YTHDC2: variants seen among roughly 807,000 people sequenced by gnomAD.
YTHDC2 encodes the protein YTH N6-methyladenosine RNA binding protein C2, also known as 3'-5' RNA helicase YTHDC2.
YTHDC2 carries 45 observed loss-of-function variants against 174.9 expected under a neutral mutation model. The ratio of observed to expected loss-of-function variants is 0.26; its 90% CI spans 0.20 to 0.33. The LOEUF is 0.33. Among genes scored for constraint, YTHDC2 ranks in the 10% least tolerant of loss-of-function variants. The pLI is 1.00. For synonymous variants in YTHDC2, 657 were observed against 574.5 expected (o/e 1.14, Z -2.05); for missense variants, 1,650 against 1,723.7 (o/e 0.96, Z 0.76).
In YTHDC2 at chr5:113,545,857, C is replaced by T. The variant is rs1775851750; in HGVS notation, c.1496-2684C>T. 2.1e-5 allele frequency among the ~76,000 whole-genome samples: 2 copies of T among 93,282 alleles called. 1 individual carries two copies. The highest frequency in any genetic ancestry group is 1.5e-4 in the African/African-American group (2 of 13,594). The allele number at this position is 93,282 out of a possible 152,430, so 61.2% of individuals were successfully genotyped here. ...CCGGGTTCACGCCATTCTCCTGCCT[C>T]AGCCTCCCAAGTAGCTGGGACTACA... On this transcript the variant is annotated intron_variant, in intron 10 of 29. Coordinates refer to ENST00000161863, the MANE Select transcript of YTHDC2 (RefSeq NM_022828.5).
chr5:113,525,990 G>A (rs1774203795), intron 3 of YTHDC2, among the ~76,000 whole-genome samples: 1 of 152,022 alleles, frequency 6.6e-6, no homozygotes, highest in Admixed American at 6.6e-5. Flanking sequence ...GTTAAATGTG[G>A]ATGTTGGCTA....
At chr5:113,583,747 G>T (rs1778527191) in intron 25 of YTHDC2, 1 of 152,494 alleles carries the variant, frequency 6.6e-6, no homozygotes, top group Admixed American at 6.5e-5. Context: ...TTCCCAAAGT[G>T]CTGGGATTAC....
At chr5:113,581,051 G>A (rs6883383) in intron 24 of YTHDC2, among the ~76,000 whole-genome samples, 46,373 of 151,954 alleles carry the variant, frequency 0.31, 9,282 homozygotes, top group African/African-American at 0.55. Flanking sequence ...AGACCTTTCT[G>A]TGAATCCAGC....
At chr5:113,573,437 T>C (rs1169341872) in intron 23 of YTHDC2, among the ~76,000 whole-genome samples, 1 of 152,086 alleles carries the variant, frequency 6.6e-6, no homozygotes, top group Non-Finnish European at 1.5e-5. Flanking sequence ...AATCTGATGA[T>C]TTTTTTGTCT....
chr5:113,534,498 A>G (rs1489148688), intron 6 of YTHDC2, 91 bp downstream of exon 6: 8 of 1,106,550 alleles, frequency 7.2e-6, no homozygotes, highest in African/African-American at 6.2e-5. Context: ...AAAAATTTAA[A>G]TACATAATTA....
chr5:113,589,026 A>G lies in YTHDC2; in HGVS notation c.3826-2015A>G, dbSNP rs574819610. On this transcript the variant is annotated intron_variant, in intron 26 of 29. Transcript: ENST00000161863. ...ATAATGTATTGTTTTTACTTTACAT[A>G]GTCAGTTACCTTTATGAAGATTTCA... Among the ~76,000 whole-genome samples, 4 of 152,256 alleles carry G rather than the reference A, an allele frequency of 2.6e-5. No homozygotes were observed. In the East Asian group the frequency reaches 7.7e-4, roughly 29 times the overall value.
intron 7 of YTHDC2, among the ~76,000 whole-genome samples, chr5:113,538,242 G>C (rs181085470): frequency 1.3e-5 from 2 of 152,098 alleles, no homozygotes; most frequent in Non-Finnish European, 2.9e-5. Context: ...TTGGCTTGAC[G>C]TAGCATTCTG....
At position 113,533,015 on chromosome 5, in the gene YTHDC2, C is replaced by G. The variant is rs372457476; in HGVS notation, c.812C>G (p.Thr271Arg). Residue 271 changes from threonine to arginine, a missense_variant, in exon 5 of 30, where the codon ACA (threonine) becomes AGA (arginine). This residue lies in a region of YTHDC2 where 304 missense variants were observed against 341.4 expected (regional missense o/e 0.89). Transcript: ENST00000161863. ...GAGAGACGGGAAAGGATTGGTCAAA[C>G]AATTGGTTATCAGATCCGATTAGAA... is the stretch of plus-strand genomic sequence containing the variant. Reference protein sequence around the residue: ...AAERRERIGQTIGYQIRLESR... With the variant: ...AAERRERIGQRIGYQIRLESR... The G allele has an allele frequency of 8.7e-6, 14 of 1,614,016 alleles. No individual in the cohort carries two copies. The highest frequency in any genetic ancestry group is 1.3e-5 in the African/African-American group (1 of 74,910).
chr5:113,584,489 T>C lies in YTHDC2; in HGVS notation c.3825+10T>C. The C allele has an allele frequency of 1.3e-6, 2 of 1,593,034 alleles. No individual in the cohort carries two copies. The highest frequency in any genetic ancestry group is 1.7e-6 in the Non-Finnish European group (2 of 1,168,582). On this transcript the variant is annotated intron_variant, in intron 26 of 29. Coordinates refer to ENST00000161863, the MANE Select transcript of YTHDC2 (RefSeq NM_022828.5). ...TCCATCCTCAGGAAAGGTAAGAGTA[T>C]CTGAAAGAAAATGTAGTAAGGAACA...
At chr5:113,544,352 T>C (rs1775702339) in intron 10 of YTHDC2, among the ~76,000 whole-genome samples, 1 of 152,080 alleles carries the variant, frequency 6.6e-6, no homozygotes, top group African/African-American at 2.4e-5. Flanking sequence ...AGTTTCACCA[T>C]GTTGGCCAGG....
At chr5:113,533,668 T>G (rs527889656) in intron 5 of YTHDC2, among the ~76,000 whole-genome samples, 3 of 152,300 alleles carry the variant, frequency 2.0e-5, no homozygotes, top group Admixed American at 6.5e-5. Context: ...AGGTTTGATG[T>G]GAAGTTTATA....
intron 2 of YTHDC2, among the ~76,000 whole-genome samples, chr5:113,522,009 T>G (rs1294231944): frequency 1.3e-5 from 2 of 151,966 alleles, no homozygotes; most frequent in African/African-American, 4.8e-5. Flanking sequence ...CAATTCTGTA[T>G]TACAGTATTG....
Position 113,548,760 on chromosome 5 carries a change from A to G in YTHDC2, c.1622+93A>G, listed in dbSNP as rs141204616. The G allele has an allele frequency of 4.5e-4, 610 of 1,351,778 alleles. 9 individuals carry two copies. The Admixed American group carries it at 7.9e-3, about 18-fold the overall frequency. The allele number at this position is 1,351,778 out of a possible 1,614,324, so 83.7% of individuals were successfully genotyped here. A position where few individuals can be genotyped will look rare whatever the true frequency, so the allele number is the denominator to read the frequency against. On this transcript the variant is annotated intron_variant, in intron 11 of 29. Transcript: ENST00000161863. ...TATGTTTGTCTTTATATTAAAAACT[A>G]TTGTGTAATAATTGCTGGTGAATTT...
Position 113,567,188 on chromosome 5 carries a change from A to G in YTHDC2, c.2939A>G (p.Tyr980Cys), listed in dbSNP as rs142168328. The change falls in exon 22 of 30, where the codon TAT becomes TGT. Residue 980 changes from tyrosine (Y) to cysteine (C), a missense_variant. By Grantham distance (194) the Tyr-to-Cys change is radical. Coordinates refer to ENST00000161863, the MANE Select transcript of YTHDC2 (RefSeq NM_022828.5). ...AAAGCTGCATTGGTGGCAGGCATGT[A>G]TCCTAATTTAGTCCACGTGGACAGA... is the stretch of plus-strand genomic sequence containing the variant. ...VVKAALVAGM[Y>C]PNLVHVDREN... 4.3e-6 allele frequency: 7 copies of G among 1,613,750 alleles called. No homozygotes were observed. Among genetic ancestry groups the G allele is most frequent in the Non-Finnish European group, 5.1e-6 (6 of 1,179,942 alleles).
intron 1 of YTHDC2, 27 bp from the exon 2 acceptor site, chr5:113,515,245 T>G: frequency 6.3e-7 from 1 of 1,580,414 alleles, no homozygotes; most frequent in Non-Finnish European, 8.6e-7. Flanking sequence ...TCTACAAATT[T>G]TACTACTTTG....
At chr5:113,580,851 G>A (rs956470489) in intron 24 of YTHDC2, among the ~76,000 whole-genome samples, 1 of 152,008 alleles carries the variant, frequency 6.6e-6, no homozygotes, top group Non-Finnish European at 1.5e-5. Flanking sequence ...TTTCTCTGTA[G>A]TCAGTCCTTC....
At chr5:113,550,954 T>C (rs1170122702) in intron 12 of YTHDC2, among the ~76,000 whole-genome samples, 1 of 152,044 alleles carries the variant, frequency 6.6e-6, no homozygotes, top group Non-Finnish European at 1.5e-5. Context: ...AAAGCTTCTG[T>C]TTTCAACCTT....
chr5:113,545,635 T>G (rs1257405306), intron 10 of YTHDC2, among the ~76,000 whole-genome samples: 1 of 152,096 alleles, frequency 6.6e-6, no homozygotes, highest in Non-Finnish European at 1.5e-5. Flanking sequence ...TCAAGCGACC[T>G]GCCCACCTTT....
chr5:113,526,811 GAAA>G (rs58260423), intron 4 of YTHDC2, 26 bp downstream of exon 4: 4,999 of 259,976 alleles, frequency 0.019, 111 homozygotes, highest in African/African-American at 0.053. Context: ...GTTGTTTATA[GAAA>G]AAAAAAAAAA....
Sources: allele counts gnomAD v4.1 joint callset (sites outside exome capture counted in the v4.1 genomes callset), GRCh38; gene constraint gnomAD v4.1.1; regional missense constraint gnomAD v4.1.1; transcripts MANE v1.5; gene names NCBI Gene and HGNC (gene_info 2026-07-23, HGNC 2026-07-21).